NKAIN2: variants seen among roughly 807,000 people sequenced by gnomAD.
NKAIN2 encodes the protein sodium/potassium-transporting ATPase subunit beta-1-interacting protein 2.
A neutral mutation model predicts 32.6 loss-of-function variants in NKAIN2; 14 were observed. That is an observed-to-expected ratio of 0.43 (90% CI 0.28 to 0.67). The LOEUF is 0.67. Among genes scored for constraint, NKAIN2 ranks in the 30% least tolerant of loss-of-function variants. The probability of loss-of-function intolerance (pLI) is 0.17; values close to 1 mark genes in which losing one functional copy is unlikely to be tolerated. For synonymous variants in NKAIN2, 80 were observed against 87.2 expected (o/e 0.92, Z 0.46); for missense variants, 198 against 258.3 (o/e 0.77, Z 1.60).
intron 1 of NKAIN2, among the ~76,000 whole-genome samples, chr6:124,072,479 T>C (rs1415453406): frequency 1.3e-5 from 2 of 152,152 alleles, no homozygotes; most frequent in Admixed American, 1.3e-4. Flanking sequence ...GAAATTATTT[T>C]AAAAAATAAC....
intron 2 of NKAIN2, among the ~76,000 whole-genome samples, chr6:124,332,855 T>G (rs2115056454): frequency 6.6e-6 from 1 of 152,228 alleles, no homozygotes; most frequent in Middle Eastern, 3.4e-3. Flanking sequence ...AAAATAACAA[T>G]AAAATCCCTT....
rs145127717 is a variant in NKAIN2 at position 123,907,551 on chromosome 6, T to C, written c.54+103297T>C. On this transcript the variant is annotated intron_variant, in intron 1 of 6. Transcript: ENST00000368417. ...CCCCAGTTTTCCATGTGTTAATTCA[T>C]TGCTCTTCCATAACCAAATTACCCT... Among the ~76,000 whole-genome samples the C allele has an allele frequency of 5.3e-5, 8 of 152,310 alleles. No individual in the cohort carries two copies. In the East Asian group the frequency reaches 1.2e-3, roughly 22 times the overall value.
At chr6:123,975,020 G>C (rs1257146408) in intron 1 of NKAIN2, among the ~76,000 whole-genome samples, 2 of 152,072 alleles carry the variant, frequency 1.3e-5, no homozygotes, top group African/African-American at 4.8e-5. Flanking sequence ...CCTCATTTTA[G>C]CGTATGTTTG....
chr6:124,576,622 T>C (rs2114930252), intron 3 of NKAIN2, among the ~76,000 whole-genome samples: 1 of 152,264 alleles, frequency 6.6e-6, no homozygotes, highest in Non-Finnish European at 1.5e-5. Flanking sequence ...AAATGAGTAA[T>C]ACATAATTTC....
chr6:124,592,999 C>T (rs984071136), intron 3 of NKAIN2, among the ~76,000 whole-genome samples: 2 of 152,186 alleles, frequency 1.3e-5, no homozygotes, highest in African/African-American at 4.8e-5. Flanking sequence ...AATCTTCCCC[C>T]TACTAACATT....
intron 1 of NKAIN2, among the ~76,000 whole-genome samples, chr6:124,258,541 A>G (rs1291299463): frequency 6.7e-6 from 1 of 150,084 alleles, no homozygotes; most frequent in East Asian, 1.9e-4. Flanking sequence ...TAATAATATA[A>G]AACTGACAGG....
At chr6:124,563,774 G>T (rs1027755007) in intron 3 of NKAIN2, among the ~76,000 whole-genome samples, 9 of 152,066 alleles carry the variant, frequency 5.9e-5, no homozygotes, top group African/African-American at 2.2e-4. Flanking sequence ...AGCAATTCTG[G>T]ATTCTCGCGC....
chr6:124,581,445 C>CAAAAA (rs57280967), intron 3 of NKAIN2, among the ~76,000 whole-genome samples: 12 of 81,426 alleles, frequency 1.5e-4, no homozygotes, highest in Non-Finnish European at 2.1e-4. Flanking sequence ...GACTCCGTCT[C>CAAAAA]AAAAAAAAAA....
chr6:124,436,467 C>T (rs1775449297), intron 3 of NKAIN2, among the ~76,000 whole-genome samples: 1 of 152,084 alleles, frequency 6.6e-6, no homozygotes, highest in African/African-American at 2.4e-5. Context: ...TTCATAATAT[C>T]AATAAGTGAG....
chr6:124,407,720 A>T (rs1773932409), intron 3 of NKAIN2, among the ~76,000 whole-genome samples: 2 of 151,958 alleles, frequency 1.3e-5, no homozygotes, highest in South Asian at 4.2e-4. Context: ...CAGTAATGAG[A>T]TGGCTGGGTC....
chr6:123,874,759 T>C (rs976392224), intron 1 of NKAIN2, among the ~76,000 whole-genome samples: 2 of 152,118 alleles, frequency 1.3e-5, no homozygotes, highest in African/African-American at 4.8e-5. Flanking sequence ...AAAATATGTC[T>C]ATTGTAGAAA....
intron 1 of NKAIN2, among the ~76,000 whole-genome samples, chr6:124,028,722 T>C (rs1372895190): frequency 6.7e-6 from 1 of 149,492 alleles, no homozygotes; most frequent in East Asian, 2.0e-4. Flanking sequence ...TATACGTGTA[T>C]ATACGTGTAT....
At chr6:124,313,078 A>T (rs968724896) in intron 2 of NKAIN2, among the ~76,000 whole-genome samples, 1 of 152,154 alleles carries the variant, frequency 6.6e-6, no homozygotes, top group South Asian at 2.1e-4. Flanking sequence ...AAAACCATTT[A>T]TACATATAAT....
intron 1 of NKAIN2, among the ~76,000 whole-genome samples, chr6:124,239,201 A>G (rs977736330): frequency 2.6e-5 from 4 of 152,216 alleles, no homozygotes; most frequent in African/African-American, 9.6e-5. Flanking sequence ...GGAAGAGCGA[A>G]CTATCATAAA....
At chr6:124,142,317 T>C (rs1457880233) in intron 1 of NKAIN2, among the ~76,000 whole-genome samples, 1 of 152,148 alleles carries the variant, frequency 6.6e-6, no homozygotes, top group African/African-American at 2.4e-5. Context: ...CACATTTTTG[T>C]TTTTGATGTG....
At chr6:124,470,682 A>G (rs1394217812) in intron 3 of NKAIN2, among the ~76,000 whole-genome samples, 2 of 152,122 alleles carry the variant, frequency 1.3e-5, no homozygotes, top group Admixed American at 1.3e-4. Flanking sequence ...TCCCAGCTTT[A>G]AAAGATAATA....
rs760959613 is a variant in NKAIN2, at chr6:124,355,275, C to G, written c.201C>G (p.Val67=). 1.2e-6 allele frequency: 2 copies of G among 1,600,136 alleles called. No individual in the cohort carries two copies. The highest frequency in any genetic ancestry group is 2.2e-5 in the South Asian group (2 of 90,780). The change falls in exon 3 of 7, where the codon GTC becomes GTG. Residue 67 remains valine, a synonymous_variant. Coordinates refer to ENST00000368417, the MANE Select transcript of NKAIN2 (RefSeq NM_001040214.3). ...CTCTTGCTTCTCTACAGTATGCTGT[C>G]TGGCTAGTCCTCTGGGTTACGTGGA... ...YRPRYITGYA[V]WLVLWVTWNV... is the part of the protein sequence containing the mutation.
At chr6:124,173,835 T>C (rs1406499457) in intron 1 of NKAIN2, among the ~76,000 whole-genome samples, 1 of 152,114 alleles carries the variant, frequency 6.6e-6, no homozygotes, top group Non-Finnish European at 1.5e-5. Context: ...TAGTGGATGG[T>C]TCTTATTCCT....
chr6:124,362,942 C>T (rs1437728796), intron 3 of NKAIN2, among the ~76,000 whole-genome samples: 1 of 152,110 alleles, frequency 6.6e-6, no homozygotes, highest in Admixed American at 6.6e-5. Flanking sequence ...TCAAGTGATT[C>T]TCCTGCCTCA....
Sources: allele counts gnomAD v4.1 joint callset (sites outside exome capture counted in the v4.1 genomes callset), GRCh38; gene constraint gnomAD v4.1.1; transcripts MANE v1.5; gene names NCBI Gene and HGNC (gene_info 2026-07-23, HGNC 2026-07-21).